Variants in ANK2 observed in about 807,000 individuals in gnomAD.
ANK2 encodes the protein ankyrin-2.
In ANK2, 83 loss-of-function variants were observed where a neutral mutation model predicts 360.5. That is an observed-to-expected ratio of 0.23 (90% CI 0.19 to 0.28). ANK2 has a LOEUF of 0.28. ANK2 is among the 10% of genes least tolerant of loss of function. ANK2 has a pLI of 1.00. For synonymous variants in ANK2, 1,740 were observed against 1,759.5 expected (o/e 0.99, Z 0.28); for missense variants, 4,201 against 4,795.7 (o/e 0.88, Z 3.66).
At chr4:112,786,468 G>A in the ANK2 span, among the ~76,000 whole-genome samples, 8 of 150,102 alleles carry the variant, frequency 5.3e-5, no homozygotes, top group Admixed American at 5.3e-4. Context: ...CGTGATCTCG[G>A]CTCACTGCAA....
chr4:113,323,674 T>A, intron 26 of ANK2: 1 of 1,340,908 alleles, frequency 7.5e-7, no homozygotes, highest in South Asian at 1.4e-5. Context: ...TATTGGTGTA[T>A]AAATAATAAG....
chr4:112,828,587 T>C (rs575614917), intron 1 of ANK2, among the ~76,000 whole-genome samples: 43 of 152,180 alleles, frequency 2.8e-4, no homozygotes, highest in African/African-American at 1.0e-3. Flanking sequence ...GCAGAACACA[T>C]AGGAAGTACA....
At chr4:113,334,825 A>G (rs184515453) in intron 29 of ANK2, among the ~76,000 whole-genome samples, 117 of 148,118 alleles carry the variant, frequency 7.9e-4, no homozygotes, top group Admixed American at 1.0e-3. Context: ...TTAATCTATT[A>G]CTAGAAAGTT....
At chr4:112,860,932 C>T (rs1251450270) in intron 1 of ANK2, among the ~76,000 whole-genome samples, 1 of 152,094 alleles carries the variant, frequency 6.6e-6, no homozygotes, top group Non-Finnish European at 1.5e-5. Context: ...TACAAGTTTC[C>T]AAAGCTGTGC....
intron 1 of ANK2, among the ~76,000 whole-genome samples, chr4:112,834,993 A>G (rs1424636495): frequency 3.3e-5 from 5 of 152,170 alleles, no homozygotes; most frequent in African/African-American, 1.2e-4. Context: ...ATATTTGCCA[A>G]GACTCCTTCA....
chr4:112,958,304 A>G (rs2032176243), intron 2 of ANK2, among the ~76,000 whole-genome samples: 1 of 152,220 alleles, frequency 6.6e-6, no homozygotes, highest in Non-Finnish European at 1.5e-5. Flanking sequence ...CCTGGGCACC[A>G]TTGAGCACTG....
chr4:112,828,883 G>T (rs1242696347), intron 1 of ANK2, among the ~76,000 whole-genome samples: 2 of 152,210 alleles, frequency 1.3e-5, no homozygotes, highest in Non-Finnish European at 2.9e-5. Context: ...GCTGGGTGTG[G>T]TGGTTCACAC....
At chr4:113,074,370 C>G (rs1358858889) in intron 1 of ANK2, among the ~76,000 whole-genome samples, 1 of 152,116 alleles carries the variant, frequency 6.6e-6, no homozygotes, top group Non-Finnish European at 1.5e-5. Context: ...ATTCTGGGCC[C>G]TCAGAAATTC....
intron 13 of ANK2, among the ~76,000 whole-genome samples, chr4:113,261,595 A>C (rs2052950697): frequency 6.6e-6 from 1 of 152,166 alleles, no homozygotes; most frequent in Non-Finnish European, 1.5e-5. Flanking sequence ...GGTAATATTA[A>C]CATAAAAGAC....
chr4:112,957,102 G>A (rs1447490895), intron 2 of ANK2, among the ~76,000 whole-genome samples: 5 of 149,010 alleles, frequency 3.4e-5, no homozygotes, highest in African/African-American at 5.0e-5. Context: ...GTGGAGGGAA[G>A]GTCAGCAGAT....
At chr4:112,901,843 C>A (rs1391514043) in intron 1 of ANK2, among the ~76,000 whole-genome samples, 7 of 147,034 alleles carry the variant, frequency 4.8e-5, no homozygotes, top group Admixed American at 1.4e-4. Context: ...CCAGCCTGGG[C>A]GACAGAGTGA....
At chr4:113,176,192 T>A (rs922358575) in intron 2 of ANK2, among the ~76,000 whole-genome samples, 1 of 152,216 alleles carries the variant, frequency 6.6e-6, no homozygotes, top group African/African-American at 2.4e-5. Context: ...AGGGAACTGG[T>A]ATAAGCAGCA....
At chr4:113,134,495 A>T (rs62313809) in intron 1 of ANK2, among the ~76,000 whole-genome samples, 26,745 of 151,560 alleles carry the variant, frequency 0.18, 2,458 homozygotes, top group African/African-American at 0.22. Context: ...AGGAAAATTG[A>T]TCCCCCCTTA....
Position 112,901,960 on chromosome 4 carries a change from T to C in ANK2, c.-39-2495T>C, listed in dbSNP as rs995140396. Reference sequence around the variant, plus strand: ...CAGGGGCCAGGAGAATCAAATTAAATTGAATTGTGAATCTGAAGGCAGCCA... The same window carrying C: ...CAGGGGCCAGGAGAATCAAATTAAACTGAATTGTGAATCTGAAGGCAGCCA... On this transcript the variant is annotated intron_variant, in intron 1 of 30. Transcript: ENST00000503271. 2.6e-5 allele frequency among the ~76,000 whole-genome samples: 4 copies of C among 151,914 alleles called. No homozygotes were observed. The East Asian group carries it at 5.8e-4, about 22-fold the overall frequency.
At chr4:112,912,162 G>A (rs549961009) in intron 2 of ANK2, among the ~76,000 whole-genome samples, 1 of 150,970 alleles carries the variant, frequency 6.6e-6, no homozygotes, top group Non-Finnish European at 1.5e-5. Context: ...GGGTGACAGA[G>A]CGAGACTCCG....
At chr4:113,368,648 G>A (rs1367385604) in intron 42 of ANK2, among the ~76,000 whole-genome samples, 1 of 152,180 alleles carries the variant, frequency 6.6e-6, no homozygotes, top group African/African-American at 2.4e-5. Context: ...TGAGAATAGG[G>A]TGTCATGAGA....
At chr4:113,017,222 AT>A (rs1031482379) in intron 2 of ANK2, among the ~76,000 whole-genome samples, 6 of 152,154 alleles carry the variant, frequency 3.9e-5, no homozygotes, top group Non-Finnish European at 5.9e-5. Flanking sequence ...ATTATTTTAT[AT>A]TCCTTGAGTC....
Position 113,356,115 on chromosome 4 carries a change from G to T in ANK2, c.7497G>T (p.Leu2499Phe). ...LPAAVAKTEL[L>F]TEVASVRSRL... is the part of the protein sequence containing the mutation. ...CAGCTGTTGCCAAAACAGAACTCTT[G>T]ACGGAAGTGGCCTCTGTGCGGTCCC... The change falls in exon 38 of 46, where the codon TTG (leucine) becomes TTT (phenylalanine). Residue 2499 changes from leucine (L) to phenylalanine (F), a missense_variant. This residue lies in a region of ANK2 where 2,642 missense variants were observed against 2,714.5 expected (regional missense o/e 0.97). Coordinates refer to ENST00000357077, the MANE Select transcript of ANK2 (RefSeq NM_001148.6). 6.2e-7 allele frequency: 1 copy of T among 1,614,064 alleles called. No homozygotes were observed. Among genetic ancestry groups the T allele is most frequent in the Non-Finnish European group, 8.5e-7 (1 of 1,179,986 alleles).
In ANK2 at chr4:113,336,047, T is replaced by C; in HGVS notation, c.3581T>C (p.Val1194Ala). The change falls in exon 30 of 46, where the codon GTA becomes GCA. Residue 1194 changes from valine (V) to alanine (A), a missense_variant. Val to Ala is a moderately conservative substitution (Grantham distance 64). This residue lies in a region of ANK2 where 1,268 missense variants were observed against 1,650.8 expected (regional missense o/e 0.77). Coordinates refer to ENST00000357077, the MANE Select transcript of ANK2 (RefSeq NM_001148.6). ...PEGALTKRIR[V>A]GLQAQPMHSE... ...GGGGCACTCACCAAGCGGATCCGCGTAGGCCTGCAGGTATGCCCATGTTAG... is the reference window on the plus strand; with the variant it reads ...GGGGCACTCACCAAGCGGATCCGCGCAGGCCTGCAGGTATGCCCATGTTAG... 1 of 1,613,870 alleles carries C rather than the reference T, an allele frequency of 6.2e-7. No individual in the cohort carries two copies. The highest frequency in any genetic ancestry group is 8.5e-7 in the Non-Finnish European group (1 of 1,179,956).
Sources: allele counts gnomAD v4.1 joint callset (sites outside exome capture counted in the v4.1 genomes callset), GRCh38; gene constraint gnomAD v4.1.1; regional missense constraint gnomAD v4.1.1; transcripts MANE v1.5; gene names NCBI Gene and HGNC (gene_info 2026-07-23, HGNC 2026-07-21).